Variants in INO80D observed in about 807,000 individuals in gnomAD.
The protein encoded by INO80D is INO80 complex subunit D.
In INO80D, 21 loss-of-function variants were observed where a neutral mutation model predicts 87.6. The ratio of observed to expected loss-of-function variants is 0.24; its 90% confidence interval spans 0.17 to 0.35. INO80D has a LOEUF of 0.35. Among genes scored for constraint, INO80D ranks in the 10% least tolerant of loss-of-function variants. The pLI is 1.00. For synonymous variants in INO80D, 440 were observed against 491.0 expected, an observed-to-expected ratio of 0.90 and a Z score of 1.37; for missense variants, 982 against 1,280.7, an observed-to-expected ratio of 0.77 and a Z score of 3.56.
At position 206,017,675 on chromosome 2, in the gene INO80D, C is replaced by T; in HGVS notation, c.1542+5G>A. ...AAGTTTGAAAGCCTCTGTTGCAGAA[C>T]TTACCATTTTTTTGGCATGTTCTTC... On this transcript the variant is annotated splice_donor_5th_base_variant and intron_variant, in intron 8 of 10. Coordinates refer to ENST00000403263, the MANE Select transcript of INO80D (RefSeq NM_017759.5). 6.4e-7 allele frequency: 1 copy of T among 1,573,970 alleles called. No homozygotes were observed. Among genetic ancestry groups the T allele is most frequent in the South Asian group, 1.2e-5 (1 of 83,902 alleles).
chr2:206,061,171 C>T (rs1401826886), intron 3 of INO80D, among the ~76,000 whole-genome samples: 1 of 152,114 alleles, frequency 6.6e-6, no homozygotes, highest in Non-Finnish European at 1.5e-5. Context: ...ACCACTACAC[C>T]TGGCTAATTT....
Position 206,034,827 on chromosome 2 carries a change from T to C in INO80D, c.1074-6492A>G, listed in dbSNP as rs113865918. Among the ~76,000 whole-genome samples, 4 of 152,272 alleles carry C rather than the reference T, an allele frequency of 2.6e-5. 1 individual carries two copies. The highest frequency in any genetic ancestry group is 9.6e-5 in the African/African-American group (4 of 41,552). ...CTGTCACTGTTTGCTGATGATCTGA[T>C]CGTTTACCCTTGAAAACCATTAAGA... On this transcript the variant is annotated intron_variant, in intron 5 of 10. Coordinates refer to ENST00000403263, the MANE Select transcript of INO80D (RefSeq NM_017759.5).
intron 5 of INO80D, among the ~76,000 whole-genome samples, chr2:206,031,459 A>G (rs1011502732): frequency 3.3e-5 from 5 of 152,182 alleles, no homozygotes; most frequent in African/African-American, 9.7e-5. Context: ...TTGGGTCGAT[A>G]ATCAGTTGCC....
chr2:206,048,447 G>A (rs1050045875), intron 4 of INO80D, among the ~76,000 whole-genome samples: 1 of 151,738 alleles, frequency 6.6e-6, no homozygotes, highest in Non-Finnish European at 1.5e-5. Context: ...TGACCAGGCT[G>A]CTCTCGAACT....
chr2:206,035,428 A>C (rs1028551162), intron 5 of INO80D, among the ~76,000 whole-genome samples: 1 of 152,190 alleles, frequency 6.6e-6, no homozygotes. Flanking sequence ...AGAACCCAGA[A>C]ATAAACTCAA....
intron 3 of INO80D, among the ~76,000 whole-genome samples, chr2:206,057,900 A>T (rs1224680693): frequency 9.7e-5 from 13 of 134,682 alleles, no homozygotes; most frequent in Admixed American, 8.8e-4. Flanking sequence ...TGGAAAGTTT[A>T]AAAAAAAAAA....
At chr2:206,059,865 T>C (rs748022043) in intron 3 of INO80D, among the ~76,000 whole-genome samples, 81 of 152,166 alleles carry the variant, frequency 5.3e-4, no homozygotes, top group Non-Finnish European at 2.4e-4. Flanking sequence ...CTGGGATAAC[T>C]GCACTAACCA....
intron 10 of INO80D, among the ~76,000 whole-genome samples, chr2:206,006,874 C>T (rs1232177739): frequency 6.6e-6 from 1 of 151,712 alleles, no homozygotes; most frequent in Non-Finnish European, 1.5e-5. Context: ...CTGCGAAACC[C>T]CACCTCTACT....
At chr2:206,075,514 G>A (rs1418701488) in intron 1 of INO80D, among the ~76,000 whole-genome samples, 2 of 150,930 alleles carry the variant, frequency 1.3e-5, no homozygotes, top group African/African-American at 2.4e-5. Context: ...TTGGCTCACT[G>A]CAACCTCTGC....
intron 8 of INO80D, among the ~76,000 whole-genome samples, chr2:206,016,877 A>C (rs1295103356): frequency 6.6e-6 from 1 of 152,124 alleles, no homozygotes; most frequent in Non-Finnish European, 1.5e-5. Flanking sequence ...CTTGCCTTCC[A>C]CCATGATTTT....
intron 7 of INO80D, among the ~76,000 whole-genome samples, chr2:206,018,517 T>C (rs2105816389): frequency 6.6e-6 from 1 of 152,262 alleles, no homozygotes; most frequent in South Asian, 2.1e-4. Context: ...AGAATAAAAA[T>C]TTAAAGATAT....
intron 5 of INO80D, among the ~76,000 whole-genome samples, chr2:206,043,954 G>A (rs1031706617): frequency 6.6e-6 from 1 of 152,156 alleles, no homozygotes; most frequent in Admixed American, 6.5e-5. Flanking sequence ...CACTTTGGGA[G>A]GCTAAGGCAG....
chr2:206,028,401 C>A, intron 5 of INO80D, 66 bp from the exon 6 acceptor site: 2 of 1,297,300 alleles, frequency 1.5e-6, no homozygotes, highest in Admixed American at 2.2e-5. Context: ...ACAGGGTAAA[C>A]GAGAATTAGG....
chr2:206,008,847 A>C (rs1261085928), intron 9 of INO80D, among the ~76,000 whole-genome samples: 1 of 152,236 alleles, frequency 6.6e-6, no homozygotes, highest in African/African-American at 2.4e-5. Context: ...ATCTGGTTGA[A>C]ATAATAATTT....
At chr2:206,046,439 G>C in intron 5 of INO80D, 65 bp downstream of exon 5, 1 of 1,128,048 alleles carries the variant, frequency 8.9e-7, no homozygotes, top group African/African-American at 1.5e-5. Flanking sequence ...CTGCACTCCA[G>C]CCTGGGTGAC....
chr2:206,021,704 C>T (rs1688469865), intron 6 of INO80D, among the ~76,000 whole-genome samples: 1 of 152,152 alleles, frequency 6.6e-6, no homozygotes, highest in Non-Finnish European at 1.5e-5. Flanking sequence ...CCCTCACCTC[C>T]CGGGTTCAGG....
intron 1 of INO80D, among the ~76,000 whole-genome samples, chr2:206,071,531 A>C (rs1689973185): frequency 7.2e-6 from 1 of 139,558 alleles, no homozygotes; most frequent in Non-Finnish European, 1.5e-5. Flanking sequence ...TACTAGATTG[A>C]CTGTATTCCC....
chr2:206,039,582 TG>T (rs1688982641), intron 5 of INO80D, among the ~76,000 whole-genome samples: 1 of 151,144 alleles, frequency 6.6e-6, no homozygotes, highest in African/African-American at 2.4e-5. Flanking sequence ...GAGGCTGAGG[TG>T]GGGGATCACC....
chr2:206,047,579 C>CA (rs1227221760), intron 4 of INO80D, among the ~76,000 whole-genome samples: 2 of 151,212 alleles, frequency 1.3e-5, no homozygotes, highest in Non-Finnish European at 2.9e-5. Flanking sequence ...AAAATACAAA[C>CA]AAGAGGGTGA....
Sources: allele counts gnomAD v4.1 joint callset (sites outside exome capture counted in the v4.1 genomes callset), GRCh38; gene constraint gnomAD v4.1.1; transcripts MANE v1.5; gene names NCBI Gene and HGNC (gene_info 2026-07-23, HGNC 2026-07-21).